MTMR8: variants seen among roughly 807,000 people sequenced by gnomAD.
MTMR8 encodes phosphatidylinositol-3,5-bisphosphate 3-phosphatase MTMR8.
MTMR8 carries 65 observed loss-of-function variants against 39.3 expected under a neutral mutation model. The observed-to-expected ratio is 1.65, with a 90% CI of 1.35 to 2.03. MTMR8 has a LOEUF of 2.03. Among genes scored for constraint, MTMR8 ranks in the 30% most tolerant of loss-of-function variants. The probability of loss-of-function intolerance (pLI) is 0.00; values close to 1 mark genes in which losing one functional copy is unlikely to be tolerated. For synonymous variants in MTMR8, 245 were observed against 185.2 expected (o/e 1.32, Z -2.62); for missense variants, 777 against 538.9 (o/e 1.44, Z -4.37).
intron 12 of MTMR8, among the ~76,000 whole-genome samples, chrX:64,279,974 T>C (rs749459448): frequency 9.6e-4 from 108 of 111,996 alleles, no homozygotes; most frequent in African/African-American, 3.2e-3. Flanking sequence ...CCTGGACACA[T>C]ACACCCTCCC....
chrX:64,387,023 C>T (rs774941268), intron 1 of MTMR8, among the ~76,000 whole-genome samples: 26 of 111,519 alleles, frequency 2.3e-4, no homozygotes, highest in Non-Finnish European at 4.3e-4. Flanking sequence ...CACTGCACTC[C>T]AGCCCAGGCG....
chrX:64,288,969 T>C (rs1186092241), intron 12 of MTMR8, among the ~76,000 whole-genome samples: 1 of 110,375 alleles, frequency 9.1e-6, no homozygotes, highest in Non-Finnish European at 1.9e-5. Context: ...TATACATATG[T>C]AACAAACCTG....
At position 64,284,564 on chromosome X, in the gene MTMR8, C is replaced by A. The variant is rs184547717; in HGVS notation, c.1482-13491G>T. On this transcript the variant is annotated intron_variant, in intron 12 of 13. Coordinates refer to ENST00000374852, the MANE Select transcript of MTMR8 (RefSeq NM_017677.4). ...GAAATGAAGGAAAAAATGTTAAGGGCAGCCAGAGAGAAAGGTCACATTACC... is the reference window on the plus strand; with the variant it reads ...GAAATGAAGGAAAAAATGTTAAGGGAAGCCAGAGAGAAAGGTCACATTACC... Among the ~76,000 whole-genome samples, 160 of 111,627 alleles carry A rather than the reference C, an allele frequency of 1.4e-3. 2 individuals are homozygous for A. Among genetic ancestry groups the A allele is most frequent in the Middle Eastern group, 4.6e-3 (1 of 219 alleles).
At chrX:64,314,444 G>A (rs927913247) in intron 12 of MTMR8, among the ~76,000 whole-genome samples, 1 of 112,524 alleles carries the variant, frequency 8.9e-6, no homozygotes, top group Non-Finnish European at 1.9e-5. Flanking sequence ...CATGGGGGTA[G>A]GGCACTGGTG....
intron 12 of MTMR8, among the ~76,000 whole-genome samples, chrX:64,327,828 G>A (rs1922838650): frequency 9.0e-6 from 1 of 111,531 alleles, no homozygotes; most frequent in African/African-American, 3.3e-5. Context: ...ATACATACAC[G>A]AGGAAATACT....
chrX:64,361,679 C>T (rs1440158874), intron 1 of MTMR8, among the ~76,000 whole-genome samples: 1 of 111,084 alleles, frequency 9.0e-6, no homozygotes, highest in African/African-American at 3.3e-5. Flanking sequence ...AGTAAACGAT[C>T]TTAACTTGGT....
intron 6 of MTMR8, among the ~76,000 whole-genome samples, chrX:64,346,177 G>C (rs959243449): frequency 1.8e-5 from 2 of 111,267 alleles, no homozygotes; most frequent in Non-Finnish European, 3.8e-5. Flanking sequence ...TACTAATTAA[G>C]TGATTTTCTG....
rs747539298 is a variant in MTMR8 at position 64,395,405 on chromosome X, G to A, written c.-42C>T. On this transcript the variant is annotated 5_prime_UTR_variant, in exon 1 of 14. Transcript: ENST00000374852. ...ACCGGAAGATCTCAGTGCTACTCCA[G>A]ATGCCGCCGCCACCGGTCTAGCCGC... The A allele has an allele frequency of 8.4e-7, 1 of 1,195,077 alleles. No homozygotes were observed. The highest frequency in any genetic ancestry group is 1.1e-6 in the Non-Finnish European group (1 of 883,182).
At chrX:64,271,521 T>C (rs73522748) in intron 12 of MTMR8, among the ~76,000 whole-genome samples, 9,289 of 111,671 alleles carry the variant, frequency 0.083, 1,020 homozygotes, top group African/African-American at 0.29. Context: ...TTCTGCACCC[T>C]GGATAAGTAT....
chrX:64,290,174 T>C (rs1921347583), intron 12 of MTMR8, among the ~76,000 whole-genome samples: 1 of 110,240 alleles, frequency 9.1e-6, no homozygotes, highest in Non-Finnish European at 1.9e-5. Context: ...ATGGACCTTC[T>C]TGGAACTAAC....
At chrX:64,281,710 T>C (rs1170254062) in intron 12 of MTMR8, among the ~76,000 whole-genome samples, 3 of 110,173 alleles carry the variant, frequency 2.7e-5, no homozygotes, top group African/African-American at 1.0e-4. Context: ...TGGGATCTAA[T>C]TAAACCAAAG....
At position 64,302,397 on chromosome X, in the gene MTMR8, T is replaced by A. The variant is rs183210972; in HGVS notation, c.1481+26375A>T. Among the ~76,000 whole-genome samples the A allele has an allele frequency of 5.2e-3, 587 of 112,707 alleles. 1 individual carries two copies. Among genetic ancestry groups the A allele is most frequent in the Non-Finnish European group, 8.2e-3 (436 of 53,270 alleles). On this transcript the variant is annotated intron_variant, in intron 12 of 13. Coordinates refer to ENST00000374852, the MANE Select transcript of MTMR8 (RefSeq NM_017677.4). Reference sequence around the variant, plus strand: ...TCCCCGACCCCTTGCGCTTCCCAGGTGAGGCAATGCCTCGCCCTGCTTCGG... The same window carrying A: ...TCCCCGACCCCTTGCGCTTCCCAGGAGAGGCAATGCCTCGCCCTGCTTCGG...
chrX:64,288,345 G>A (rs952629941), intron 12 of MTMR8, among the ~76,000 whole-genome samples: 4 of 111,208 alleles, frequency 3.6e-5, no homozygotes, highest in Non-Finnish European at 5.7e-5. Flanking sequence ...TTACAATGGC[G>A]ATCATTAAAA....
chrX:64,273,502 A>C (rs1668968965), intron 12 of MTMR8, among the ~76,000 whole-genome samples: 1 of 111,243 alleles, frequency 9.0e-6, no homozygotes, highest in African/African-American at 3.3e-5. Context: ...AACAAAAAAA[A>C]CAAAACATAA....
chrX:64,325,594 C>T (rs780857886), intron 12 of MTMR8, among the ~76,000 whole-genome samples: 61 of 111,728 alleles, frequency 5.5e-4, no homozygotes, highest in Non-Finnish European at 9.2e-4. Context: ...TTAAATATCC[C>T]TTCATGATAA....
At chrX:64,323,152 A>G (rs1178878137) in intron 12 of MTMR8, among the ~76,000 whole-genome samples, 1 of 112,255 alleles carries the variant, frequency 8.9e-6, no homozygotes, top group Non-Finnish European at 1.9e-5. Context: ...CTACATACTT[A>G]CCAACCAGGC....
At chrX:64,336,707 G>T (rs1194878119) in intron 9 of MTMR8, among the ~76,000 whole-genome samples, 1 of 111,251 alleles carries the variant, frequency 9.0e-6, no homozygotes, top group Non-Finnish European at 1.9e-5. Context: ...TATGGCACAA[G>T]AATCACTTGA....
intron 12 of MTMR8, among the ~76,000 whole-genome samples, chrX:64,272,641 T>C (rs2147125005): frequency 9.0e-6 from 1 of 110,808 alleles, no homozygotes; most frequent in Non-Finnish European, 1.9e-5. Context: ...CCCCTAAATC[T>C]GAGGAAGGAA....
chrX:64,368,753 A>G (rs1318355785), intron 1 of MTMR8, among the ~76,000 whole-genome samples: 8 of 112,310 alleles, frequency 7.1e-5, no homozygotes, highest in Non-Finnish European at 1.5e-4. Context: ...GCCAAAATAT[A>G]CAAATGGAAT....
Sources: allele counts gnomAD v4.1 joint callset (sites outside exome capture counted in the v4.1 genomes callset), GRCh38; gene constraint gnomAD v4.1.1; transcripts MANE v1.5; gene names NCBI Gene and HGNC (gene_info 2026-07-23, HGNC 2026-07-21).